The following KLF12 variants were observed in gnomAD, a reference collection of about 807,000 sequenced individuals.
The protein encoded by KLF12 is Krueppel-like factor 12.
KLF12 carries 9 observed loss-of-function variants against 37.8 expected under a neutral mutation model. The observed-to-expected ratio is 0.24, with a 90% CI of 0.14 to 0.42. KLF12 has a LOEUF of 0.42. Among genes scored for constraint, KLF12 ranks in the 10% least tolerant of loss-of-function variants. The probability of loss-of-function intolerance (pLI) is 1.00; values close to 1 mark genes in which losing one functional copy is unlikely to be tolerated. For synonymous variants in KLF12, 208 were observed against 202.1 expected, an observed-to-expected ratio of 1.03 and a Z score of -0.25; for missense variants, 411 against 516.0, an observed-to-expected ratio of 0.80 and a Z score of 1.97.
Position 74,010,044 on chromosome 13 carries a change from G to A in KLF12, c.-31-14991C>T, listed in dbSNP as rs1363990528. On this transcript the variant is annotated intron_variant, in intron 1 of 7. Coordinates refer to ENST00000377669, the MANE Select transcript of KLF12 (RefSeq NM_007249.5). The stretch of plus-strand genomic sequence containing the variant: ...GGCTCACTGCAACCTCCACCTCCTG[G>A]GCTCAAGCAAGCCTCCCACTTGAGC... Among the ~76,000 whole-genome samples the A allele has an allele frequency of 1.3e-5, 2 of 151,800 alleles. 1 individual carries two copies. The highest frequency in any genetic ancestry group is 2.9e-5 in the Non-Finnish European group (2 of 67,960).
chr13:73,878,757 G>A (rs1184054535), intron 3 of KLF12, among the ~76,000 whole-genome samples: 1 of 152,184 alleles, frequency 6.6e-6, no homozygotes, highest in Non-Finnish European at 1.5e-5. Context: ...TCTGAAACCT[G>A]AATAAAGTAA....
intron 1 of KLF12, among the ~76,000 whole-genome samples, chr13:74,021,082 C>T (rs564901810): frequency 6.6e-6 from 1 of 152,086 alleles, no homozygotes; most frequent in East Asian, 1.9e-4. Flanking sequence ...CATGTAAAGA[C>T]GGTGAAAAGG....
At chr13:73,975,015 A>G (rs1011141533) in intron 2 of KLF12, among the ~76,000 whole-genome samples, 3 of 152,222 alleles carry the variant, frequency 2.0e-5, no homozygotes, top group African/African-American at 7.2e-5. Context: ...GGAATCTTAA[A>G]ACTCAAGAGC....
chr13:73,848,121 C>T (rs992365342), intron 3 of KLF12, among the ~76,000 whole-genome samples: 9 of 152,136 alleles, frequency 5.9e-5, no homozygotes, highest in East Asian at 3.9e-4. Flanking sequence ...CTCCTTTTAC[C>T]GTATCAACAT....
At chr13:74,060,506 G>GTGTC (rs1555336682) in intron 1 of KLF12, among the ~76,000 whole-genome samples, 39 of 150,774 alleles carry the variant, frequency 2.6e-4, no homozygotes, top group Non-Finnish European at 5.2e-4. Flanking sequence ...GTGTGTGTGT[G>GTGTC]TGTGTGTGTG....
chr13:73,847,507 T>A (rs1312512135), intron 3 of KLF12, among the ~76,000 whole-genome samples: 1 of 152,106 alleles, frequency 6.6e-6, no homozygotes, highest in Non-Finnish European at 1.5e-5. Context: ...TAAAATAGAA[T>A]ATAAATTACA....
the KLF12 span, among the ~76,000 whole-genome samples, chr13:74,174,280 G>A: frequency 6.6e-6 from 1 of 150,388 alleles, no homozygotes; most frequent in East Asian, 1.9e-4. Context: ...TAAATTTCTT[G>A]CTTCCCTCTT....
chr13:73,782,699 G>A (rs1350773014), intron 5 of KLF12, among the ~76,000 whole-genome samples: 2 of 152,174 alleles, frequency 1.3e-5, no homozygotes, highest in African/African-American at 2.4e-5. Context: ...ATTATCTGCT[G>A]ATTAGGAAGT....
intron 1 of KLF12, among the ~76,000 whole-genome samples, chr13:74,007,027 G>C (rs892318647): frequency 6.6e-6 from 1 of 152,042 alleles, no homozygotes; most frequent in Non-Finnish European, 1.5e-5. Context: ...AGAGGAAGGG[G>C]TTTCCTCCTC....
chr13:73,718,786 TG>T (rs1876004538), intron 6 of KLF12, among the ~76,000 whole-genome samples: 1 of 152,018 alleles, frequency 6.6e-6, no homozygotes, highest in African/African-American at 2.4e-5. Flanking sequence ...CCCAGCTACT[TG>T]GGAGGCTGAG....
intron 1 of KLF12, among the ~76,000 whole-genome samples, chr13:74,046,410 C>A (rs1391746803): frequency 2.0e-5 from 3 of 151,930 alleles, no homozygotes; most frequent in Non-Finnish European, 4.4e-5. Flanking sequence ...TAAAAGGCTA[C>A]ACCACTTAAA....
At chr13:74,240,796 A>G in the KLF12 span, among the ~76,000 whole-genome samples, 14 of 139,774 alleles carry the variant, frequency 1.0e-4, no homozygotes, top group African/African-American at 3.2e-4. Context: ...CAGCTCCATC[A>G]GCTTCTTTAA....
chr13:74,143,644 T>G, the KLF12 span, among the ~76,000 whole-genome samples: 1 of 152,228 alleles, frequency 6.6e-6, no homozygotes, highest in African/African-American at 2.4e-5. Flanking sequence ...CCCTTTCATC[T>G]TTCTCTATGT....
At chr13:73,811,695 A>G (rs1432395860) in intron 5 of KLF12, among the ~76,000 whole-genome samples, 1 of 152,182 alleles carries the variant, frequency 6.6e-6, no homozygotes, top group Non-Finnish European at 1.5e-5. Flanking sequence ...ATAACTTGCC[A>G]GAAGTCACAC....
At chr13:73,825,760 TA>T (rs1594136361) in intron 4 of KLF12, among the ~76,000 whole-genome samples, 1 of 152,186 alleles carries the variant, frequency 6.6e-6, no homozygotes. Context: ...ATATGTATTC[TA>T]AACATCATCT....
chr13:73,767,704 T>A (rs1362040199), intron 5 of KLF12, among the ~76,000 whole-genome samples: 1 of 152,220 alleles, frequency 6.6e-6, no homozygotes, highest in East Asian at 1.9e-4. Flanking sequence ...TTTTACCCAG[T>A]GCAGAGCTTA....
intron 5 of KLF12, among the ~76,000 whole-genome samples, chr13:73,768,615 G>C (rs1330598993): frequency 6.6e-6 from 1 of 152,080 alleles, no homozygotes; most frequent in Non-Finnish European, 1.5e-5. Context: ...CAGTATTTAA[G>C]TTATGACCCA....
At chr13:73,921,615 C>T (rs1345619499) in intron 3 of KLF12, among the ~76,000 whole-genome samples, 1 of 152,010 alleles carries the variant, frequency 6.6e-6, no homozygotes. Context: ...TGCAATAATA[C>T]ATATTAATGC....
chr13:73,951,844 A>G (rs80114813), intron 2 of KLF12, among the ~76,000 whole-genome samples: 1 of 152,322 alleles, frequency 6.6e-6, no homozygotes, highest in African/African-American at 2.4e-5. Flanking sequence ...GACTCTTTAT[A>G]TGCCATTACA....
Sources: gnomAD v4.1 joint callset for allele counts (sites outside exome capture counted in the v4.1 genomes callset) on GRCh38, gnomAD v4.1.1 for gene constraint, MANE v1.5 for transcripts, NCBI Gene and HGNC (gene_info 2026-07-23, HGNC 2026-07-21) for gene names.